LONP1: variants seen among roughly 807,000 people sequenced by gnomAD.
The protein encoded by LONP1 is lon peptidase 1, mitochondrial.
Under a neutral mutation model 98.5 loss-of-function variants are expected in LONP1, and 31 were observed. The observed-to-expected ratio is 0.31, with a 90% CI of 0.24 to 0.42. LONP1 has a LOEUF of 0.42. Among genes scored for constraint, LONP1 ranks in the 20% least tolerant of loss-of-function variants. The pLI is 1.00. For synonymous variants in LONP1, 781 were observed against 594.7 expected (o/e 1.31, Z -4.56); for missense variants, 1,336 against 1,350.6 (o/e 0.99, Z 0.17).
chr19:5,707,733 C>A lies in LONP1; in HGVS notation c.1026G>T (p.Glu342Asp), dbSNP rs780754614. ...SDMGAALTGA[E>D]SHELQDVLEE... ...CCAGGACGTCCTGCAGCTCATGGGA[C>A]TCGGCCCCGGTGAGCGCGGCGCCCA... Residue 342 changes from glutamate (E) to aspartate (D), a missense_variant, in exon 6 of 18, where the codon GAG becomes GAT. By Grantham distance (45) the Glu-to-Asp change is conservative. This residue lies in a region of LONP1 where 97 missense variants were observed against 139.0 expected (regional missense o/e 0.70). Coordinates refer to ENST00000360614, the MANE Select transcript of LONP1 (RefSeq NM_004793.4). 1.2e-6 allele frequency: 2 copies of A among 1,613,202 alleles called. No individual in the cohort carries two copies. Among genetic ancestry groups the A allele is most frequent in the Admixed American group, 1.7e-5 (1 of 59,974 alleles).
At chr19:5,703,558 A>G (rs927616706) in intron 8 of LONP1, among the ~76,000 whole-genome samples, 10 of 151,340 alleles carry the variant, frequency 6.6e-5, no homozygotes, top group African/African-American at 1.7e-4. Context: ...GAAGAGGAGG[A>G]CGGCTTCCGA....
At chr19:5,706,874 C>T (rs751588859) in intron 7 of LONP1, among the ~76,000 whole-genome samples, 186 bp downstream of exon 7, 5 of 152,230 alleles carry the variant, frequency 3.3e-5, no homozygotes, top group East Asian at 1.9e-4. Context: ...CTGTTCAACG[C>T]GGAGAGTTCC....
chr19:5,704,585 C>T lies in LONP1; in HGVS notation c.1367+1187G>A, dbSNP rs369476843. ...CTGCCTAGAAGCTGCCCTGGCGTGACAACTGGTTCCTGGGCTGAAAACAGA... is the reference window on the plus strand; with the variant it reads ...CTGCCTAGAAGCTGCCCTGGCGTGATAACTGGTTCCTGGGCTGAAAACAGA... On this transcript the variant is annotated intron_variant, in intron 8 of 17. Transcript: ENST00000360614. Among the ~76,000 whole-genome samples the T allele has an allele frequency of 1.5e-3, 233 of 152,352 alleles. 1 individual carries two copies. The highest frequency in any genetic ancestry group is 5.4e-3 in the African/African-American group (224 of 41,590).
chr19:5,714,278 T>A lies in LONP1; in HGVS notation c.430-7A>T. The A allele has an allele frequency of 6.2e-7, 1 of 1,601,986 alleles. No homozygotes were observed. Among genetic ancestry groups the A allele is most frequent in the East Asian group, 2.2e-5 (1 of 44,808 alleles). On this transcript the variant is annotated splice_polypyrimidine_tract_variant and splice_region_variant and intron_variant, in intron 1 of 17. Transcript: ENST00000360614. Reference sequence around the variant, plus strand: ...CCAACTTCTTATTTTTAACCTAGCATGACAATGACCCCAAAGTGAAATGCA... The same window carrying A: ...CCAACTTCTTATTTTTAACCTAGCAAGACAATGACCCCAAAGTGAAATGCA...
chr19:5,702,353 TGGG>T (rs1181808571), intron 8 of LONP1, among the ~76,000 whole-genome samples: 1 of 123,068 alleles, frequency 8.1e-6, no homozygotes, highest in African/African-American at 3.2e-5. Context: ...GGGAGGGAGG[TGGG>T]GGGGTCAGCC....
chr19:5,695,823 T>A (rs1310656134), intron 13 of LONP1, among the ~76,000 whole-genome samples: 2 of 152,152 alleles, frequency 1.3e-5, no homozygotes, highest in Non-Finnish European at 2.9e-5. Context: ...GGCCTGACGG[T>A]GGTGGGCGGT....
intron 14 of LONP1, 100 bp downstream of exon 14, chr19:5,694,661 G>A (rs2054893157): frequency 1.9e-6 from 3 of 1,563,724 alleles, no homozygotes; most frequent in African/African-American, 1.3e-5. Context: ...GTGGGGTGAT[G>A]GGCGCAGGAA....
rs536875322 is a variant in LONP1 at position 5,696,241 on chromosome 19, C to G, written c.1896+8G>C. Reference sequence around the variant, plus strand: ...CCAGCAAGCCCAGGCCCCAGACAGGCCCCCCACCTTGGACAAGTCCACGGG... The same window carrying G: ...CCAGCAAGCCCAGGCCCCAGACAGGGCCCCCACCTTGGACAAGTCCACGGG... On this transcript the variant is annotated splice_region_variant and intron_variant, in intron 12 of 17. Transcript: ENST00000360614. The G allele has an allele frequency of 1.9e-6, 3 of 1,611,876 alleles. No homozygotes were observed. The African/African-American group carries it at 4.0e-5, about 21-fold the overall frequency.
In LONP1 at chr19:5,694,794, GCT is replaced by G; in HGVS notation, c.2119_2120del (p.Ser707ArgfsTer51). On this transcript the variant is annotated frameshift_variant, in exon 14 of 18. Coordinates refer to ENST00000360614, the MANE Select transcript of LONP1 (RefSeq NM_004793.4). LOFTEE classifies it high-confidence loss of function. ...CTTGCTTCTGCAGGTTGCGGACACCGCTCTCGCGGCAGTACTGCTTGATGAGC... is the reference window on the plus strand; with the variant it reads ...CTTGCTTCTGCAGGTTGCGGACACCGCTCGCGGCAGTACTGCTTGATGAGC... ...TLLIKQYCRE[S>X]GVRNLQKQVE... is the part of the protein sequence containing the mutation. The G allele has an allele frequency of 6.3e-7, 1 of 1,594,266 alleles. No homozygotes were observed. Among genetic ancestry groups the G allele is most frequent in the Non-Finnish European group, 8.6e-7 (1 of 1,164,400 alleles).
intron 7 of LONP1, 46 bp downstream of exon 7, chr19:5,707,014 G>A (rs757427433): frequency 1.1e-5 from 16 of 1,521,972 alleles, no homozygotes; most frequent in East Asian, 2.3e-5. Context: ...CACGTGGCCC[G>A]AGGGGAAGGC....
At chr19:5,708,307 C>T (rs1408555194) in intron 5 of LONP1, 35 bp downstream of exon 5, 2 of 1,602,380 alleles carry the variant, frequency 1.2e-6, no homozygotes, top group Non-Finnish European at 8.5e-7. Flanking sequence ...TGCAGAGATG[C>T]CCCCGCCTGG....
At chr19:5,694,280 G>A (rs144738056) in intron 15 of LONP1, 107 bp downstream of exon 15, 25 of 1,459,086 alleles carry the variant, frequency 1.7e-5, no homozygotes, top group South Asian at 5.1e-5. Flanking sequence ...GCCAGAGGCC[G>A]TTCAGAGCCA....
chr19:5,696,624 C>T (rs775864308), intron 11 of LONP1, 46 bp downstream of exon 11: 61 of 1,506,282 alleles, frequency 4.0e-5, no homozygotes, highest in Non-Finnish European at 5.2e-5. Flanking sequence ...TCATCTTGCA[C>T]ACGGCATTGC....
Position 5,692,019 on chromosome 19 carries a change from C to A in LONP1, c.*13G>T. ...GGGCCTGACATCCGCCGCCTGCAGT[C>A]CCGGGGTGGCCGTCACCGTTCCACG... On this transcript the variant is annotated 3_prime_UTR_variant, in exon 18 of 18. Coordinates refer to ENST00000360614, the MANE Select transcript of LONP1 (RefSeq NM_004793.4). 4.5e-6 allele frequency: 5 copies of A among 1,106,900 alleles called. No homozygotes were observed. Among genetic ancestry groups the A allele is most frequent in the South Asian group, 1.4e-5 (1 of 70,136 alleles). The allele number at this position is 1,106,900 out of a possible 1,614,324, so 68.6% of individuals were successfully genotyped here. A position where few individuals can be genotyped will look rare whatever the true frequency, so the allele number is the denominator to read the frequency against.
chr19:5,703,318 G>A (rs372213486), intron 8 of LONP1, among the ~76,000 whole-genome samples: 1 of 152,208 alleles, frequency 6.6e-6, no homozygotes, highest in African/African-American at 2.4e-5. Flanking sequence ...GGCTGAGTGA[G>A]CAGAACCACA....
Position 5,708,380 on chromosome 19 carries a change from C to T in LONP1, c.894G>A (p.Lys298=). ...TCAAGGCAATGATGTCCCGGATGGT[C>T]TTCACGATCTCTGCAGTCAGGGCCT... The part of the protein sequence containing the change: ...EVKALTAEIV[K]TIRDIIALNP... Residue 298 remains lysine (K), a synonymous_variant, in exon 5 of 18, where the codon AAG becomes AAA. Transcript: ENST00000360614. 1 of 1,583,560 alleles carries T rather than the reference C, an allele frequency of 6.3e-7. No homozygotes were observed. Among genetic ancestry groups the T allele is most frequent in the Non-Finnish European group, 8.6e-7 (1 of 1,162,300 alleles).
rs927053634 is a variant in LONP1 at position 5,695,937 on chromosome 19, GC to G, written c.2013+116del. Reference sequence around the variant, plus strand: ...TCACGGCCCCATCTGCTCCTCGGCCGCAGGTCCCACCTGTCTCTCCCGGGCC... The same window carrying G: ...TCACGGCCCCATCTGCTCCTCGGCCGAGGTCCCACCTGTCTCTCCCGGGCC... On this transcript the variant is annotated intron_variant, in intron 13 of 17. Transcript: ENST00000360614. 2.1e-4 allele frequency: 185 copies of G among 861,752 alleles called. 1 individual carries two copies. In the African/African-American group the frequency reaches 2.9e-3, roughly 14 times the overall value. The allele number at this position is 861,752 out of a possible 1,614,324, so 53.4% of individuals were successfully genotyped here.
chr19:5,692,414 C>A (rs2054842981), intron 17 of LONP1, among the ~76,000 whole-genome samples: 1 of 152,198 alleles, frequency 6.6e-6, no homozygotes, highest in African/African-American at 2.4e-5. Context: ...CTCCAACAGC[C>A]TGAGAGCAGG....
Position 5,694,401 on chromosome 19 carries a change from G to C in LONP1, c.2306C>G (p.Ala769Gly), listed in dbSNP as rs1271636841. 2 of 1,613,346 alleles carry C rather than the reference G, an allele frequency of 1.2e-6. No homozygotes were observed. The highest frequency in any genetic ancestry group is 3.3e-5 in the Admixed American group (2 of 60,016). ...VTPPGVVMGLAWTAMGGSTLF... is the reference protein window; with the variant it reads ...VTPPGVVMGLGWTAMGGSTLF... ...ACCACGCTCACCCATTGCGGTCCAG[G>C]CCAGCCCCATGACCACGCCGGGCGG... is the stretch of plus-strand genomic sequence containing the variant. The change falls in exon 15 of 18, where the codon GCC becomes GGC. Residue 769 changes from alanine (A) to glycine (G), a missense_variant. Transcript: ENST00000360614.
Sources: allele counts gnomAD v4.1 joint callset (sites outside exome capture counted in the v4.1 genomes callset), GRCh38; gene constraint gnomAD v4.1.1; regional missense constraint gnomAD v4.1.1; transcripts MANE v1.5; gene names NCBI Gene and HGNC (gene_info 2026-07-23, HGNC 2026-07-21).